Variants in FBXL20 observed in about 807,000 individuals in gnomAD.
FBXL20 encodes F-box/LRR-repeat protein 20.
A neutral mutation model predicts 64.0 loss-of-function variants in FBXL20; 11 were observed. That is an observed-to-expected ratio of 0.17 (90% CI 0.11 to 0.28). FBXL20 has a LOEUF of 0.28. Ranked by LOEUF, FBXL20 falls within the 10% of genes least tolerant of loss-of-function variation. The pLI is 1.00. For synonymous variants in FBXL20, 184 were observed against 189.0 expected (o/e 0.97, Z 0.22); for missense variants, 303 against 526.2 (o/e 0.58, Z 4.15).
intron 2 of FBXL20, among the ~76,000 whole-genome samples, chr17:39,332,451 T>C (rs1037439887): frequency 1.3e-5 from 2 of 151,802 alleles, no homozygotes; most frequent in Admixed American, 1.3e-4. Context: ...GTGGTTCCAC[T>C]GGGAAAGGAC....
At chr17:39,303,730 A>C in intron 2 of FBXL20, 91 bp from the exon 3 acceptor site, 1 of 1,176,334 alleles carries the variant, frequency 8.5e-7, no homozygotes, top group Non-Finnish European at 1.2e-6. Context: ...TCTGTCAGCC[A>C]AGCTGGAGAG....
chr17:39,264,317 T>C lies in FBXL20; in HGVS notation c.1061A>G (p.Asp354Gly). ...GTCCAGCTCAATCACCTCCAGCTGG[T>C]CATGGGCGCAGGCCCCATTCCCCAG... ...RHLGNGACAH[D>G]QLEVIELDNC... Residue 354 changes from aspartate (D) to glycine (G), a missense_variant, in exon 14 of 15, where the codon GAC becomes GGC. Around this residue, in one of 3 missense-constraint regions of FBXL20, gnomAD observed 246 missense variants for 422.6 expected, o/e 0.58. Coordinates refer to ENST00000264658, the MANE Select transcript of FBXL20 (RefSeq NM_032875.3). 6.2e-7 allele frequency: 1 copy of C among 1,614,172 alleles called. No homozygotes were observed. The highest frequency in any genetic ancestry group is 2.2e-5 in the East Asian group (1 of 44,878).
chr17:39,359,315 G>T (rs373558106), intron 1 of FBXL20, among the ~76,000 whole-genome samples: 1 of 152,026 alleles, frequency 6.6e-6, no homozygotes, highest in Non-Finnish European at 1.5e-5. Context: ...CAGCCTGAGC[G>T]TGGGTGACAC....
chr17:39,289,998 CAAAAAAAAAAAAAAAA>C (rs368530587), intron 6 of FBXL20, among the ~76,000 whole-genome samples: 8 of 41,840 alleles, frequency 1.9e-4, no homozygotes, highest in Non-Finnish European at 3.9e-4. Flanking sequence ...GACTCAGTCT[CAAAAAAAAAAAAAAAA>C]AAAAAAAAAA....
At chr17:39,278,877 G>C (rs1209411310) in intron 9 of FBXL20, among the ~76,000 whole-genome samples, 2 of 151,896 alleles carry the variant, frequency 1.3e-5, no homozygotes, top group Admixed American at 6.5e-5. Flanking sequence ...ATCATGGCCG[G>C]GTGCAGTGGC....
chr17:39,322,547 T>C (rs2047366971), intron 2 of FBXL20, among the ~76,000 whole-genome samples: 1 of 152,150 alleles, frequency 6.6e-6, no homozygotes, highest in Non-Finnish European at 1.5e-5. Context: ...GTTAAGTGGA[T>C]CGTTATATTG....
intron 2 of FBXL20, among the ~76,000 whole-genome samples, chr17:39,314,798 T>TTC (rs1555607795): frequency 6.9e-6 from 1 of 145,666 alleles, no homozygotes; most frequent in Non-Finnish European, 1.5e-5. Context: ...TCCTTTTCTT[T>TTC]TTTTTTTTTT....
intron 3 of FBXL20, among the ~76,000 whole-genome samples, chr17:39,302,335 C>CA (rs1175812972): frequency 1.3e-5 from 2 of 151,230 alleles, no homozygotes; most frequent in African/African-American, 4.9e-5. Context: ...CTCAGCCTCC[C>CA]AAGTAGCTGG....
At chr17:39,282,078 A>G (rs2046954549) in intron 8 of FBXL20, among the ~76,000 whole-genome samples, 2 of 152,220 alleles carry the variant, frequency 1.3e-5, no homozygotes, top group African/African-American at 4.8e-5. Context: ...TAAAAGAATC[A>G]GGGCACTTTT....
intron 1 of FBXL20, among the ~76,000 whole-genome samples, chr17:39,391,342 C>A (rs8073144): frequency 0.052 from 7,876 of 151,862 alleles, 657 homozygotes; most frequent in African/African-American, 0.18. Context: ...GTCTAACTGG[C>A]TTTTCTTTAA....
At chr17:39,317,989 C>T (rs779070519) in intron 2 of FBXL20, among the ~76,000 whole-genome samples, 3 of 151,986 alleles carry the variant, frequency 2.0e-5, no homozygotes, top group Non-Finnish European at 4.4e-5. Flanking sequence ...CGTGAGCCAC[C>T]GCTCGCGGCC....
At chr17:39,292,791 A>ATT (rs566595490) in intron 6 of FBXL20, among the ~76,000 whole-genome samples, 9 of 131,232 alleles carry the variant, frequency 6.9e-5, no homozygotes, top group Admixed American at 7.7e-5. Flanking sequence ...ATGTCTTATA[A>ATT]TTTTTTTTTT....
intron 1 of FBXL20, among the ~76,000 whole-genome samples, chr17:39,382,469 A>G (rs1426527803): frequency 6.6e-6 from 1 of 151,740 alleles, no homozygotes; most frequent in Non-Finnish European, 1.5e-5. Flanking sequence ...AAAATAGATG[A>G]AAGGAACAGG....
rs1056298522 is a variant in FBXL20, at chr17:39,295,440, G to C, written c.398+1687C>G. ...GCCTGGCTAATTTTTGCTTTTAGTA[G>C]AGATGGGGTTTCACCATGTTGGCCA... is the stretch of plus-strand genomic sequence containing the variant. On this transcript the variant is annotated intron_variant, in intron 6 of 14. Transcript: ENST00000264658. 2.0e-5 allele frequency among the ~76,000 whole-genome samples: 3 copies of C among 151,982 alleles called. No homozygotes were observed. The East Asian group carries it at 5.8e-4, about 29-fold the overall frequency.
chr17:39,391,312 A>G (rs1361510614), intron 1 of FBXL20, among the ~76,000 whole-genome samples: 2 of 152,016 alleles, frequency 1.3e-5, no homozygotes, highest in African/African-American at 4.8e-5. Flanking sequence ...CGAAAGCAGT[A>G]TATAGGATAA....
intron 1 of FBXL20, among the ~76,000 whole-genome samples, chr17:39,370,427 T>A (rs1337242149): frequency 6.6e-6 from 1 of 151,330 alleles, no homozygotes; most frequent in Non-Finnish European, 1.5e-5. Context: ...GAGGCGGAGT[T>A]TGCAGTGAGC....
intron 1 of FBXL20, among the ~76,000 whole-genome samples, chr17:39,373,651 T>C (rs886816727): frequency 6.6e-5 from 10 of 152,236 alleles, no homozygotes; most frequent in Non-Finnish European, 7.3e-5. Flanking sequence ...TATTTCCCTA[T>C]AATCCATAGC....
At chr17:39,267,165 T>C (rs572683660) in intron 12 of FBXL20, among the ~76,000 whole-genome samples, 38 of 152,150 alleles carry the variant, frequency 2.5e-4, no homozygotes, top group Admixed American at 1.3e-3. Context: ...GGCAGGAGAA[T>C]TGCTTGAACC....
At chr17:39,362,491 T>C (rs955939352) in intron 1 of FBXL20, among the ~76,000 whole-genome samples, 1 of 151,410 alleles carries the variant, frequency 6.6e-6, no homozygotes, top group Non-Finnish European at 1.5e-5. Context: ...ACCCAGCTAA[T>C]TTTCTATTTT....
Sources: gnomAD v4.1 joint callset for allele counts (sites outside exome capture counted in the v4.1 genomes callset) on GRCh38, gnomAD v4.1.1 for gene constraint, gnomAD v4.1.1 regional missense constraint, MANE v1.5 for transcripts, NCBI Gene and HGNC (gene_info 2026-07-23, HGNC 2026-07-21) for gene names.